Variants in ABHD5 observed in about 807,000 individuals in gnomAD.
ABHD5 encodes the protein abhydrolase domain containing 5, lysophosphatidic acid acyltransferase.
In ABHD5, 30 loss-of-function variants were observed where a neutral mutation model predicts 44.9. The ratio of observed to expected loss-of-function variants is 0.67; its 90% CI spans 0.50 to 0.91. The LOEUF (loss-of-function observed/expected upper bound fraction) is 0.91, where lower values mean the gene tolerates loss of function less well. Among genes scored for constraint, ABHD5 ranks in the 40% least tolerant of loss-of-function variants. The pLI is 0.00. For synonymous variants in ABHD5, 167 were observed against 147.0 expected (o/e 1.14, Z -0.99); for missense variants, 399 against 423.4 (o/e 0.94, Z 0.50).
chr3:43,727,270 A>C (rs1400423381), downstream of ABHD5, among the ~76,000 whole-genome samples: 1 of 152,108 alleles, frequency 6.6e-6, no homozygotes, highest in Non-Finnish European at 1.5e-5. Flanking sequence ...GCTTGTGTTC[A>C]TTCTCTAGTG....
In ABHD5 at chr3:43,720,632, T is replaced by C. The variant is rs1310619725; in HGVS notation, c.*2100T>C. 1 of 152,224 alleles carries C rather than the reference T, an allele frequency of 6.6e-6. No homozygotes were observed. Among genetic ancestry groups the C allele is most frequent in the Non-Finnish European group, 1.5e-5 (1 of 68,022 alleles). 9.4% of individuals were successfully genotyped at this position (152,224 alleles called of 1,614,324 possible). ...GTTTTCTTAAAAATCTAGTACAGCA[T>C]TTGATCTTTGTTATGCACAGCATAC... On this transcript the variant is annotated 3_prime_UTR_variant, in exon 7 of 7. Transcript: ENST00000644371.
At chr3:43,731,725 A>C (rs916014274) in intron 7 of ABHD5, among the ~76,000 whole-genome samples, 1 of 152,180 alleles carries the variant, frequency 6.6e-6, no homozygotes, top group African/African-American at 2.4e-5. Context: ...CCAACTACTC[A>C]GGAGGCTGAG....
Position 43,718,585 on chromosome 3 carries a change from A to C in ABHD5, c.*53A>C. Reference sequence around the variant, plus strand: ...TGGTGACTGATATAGTTGTTCAGCAATAATTCATAGTCTGTGATGAAGAGT... The same window carrying C: ...TGGTGACTGATATAGTTGTTCAGCACTAATTCATAGTCTGTGATGAAGAGT... On this transcript the variant is annotated 3_prime_UTR_variant, in exon 7 of 7. Transcript: ENST00000644371. 6.5e-7 allele frequency: 1 copy of C among 1,529,026 alleles called. No individual in the cohort carries two copies. Among genetic ancestry groups the C allele is most frequent in the Non-Finnish European group, 9.1e-7 (1 of 1,102,618 alleles). The allele number at this position is 1,529,026 out of a possible 1,614,324, so 94.7% of individuals were successfully genotyped here. A position where few individuals can be genotyped will look rare whatever the true frequency, so the allele number is the denominator to read the frequency against.
rs2084783514 is a variant in ABHD5, at chr3:43,717,672, G to A, written c.775G>A (p.Gly259Ser). Residue 259 changes from glycine to serine, a missense_variant and splice_region_variant, in exon 6 of 7, where the codon GGT becomes AGT. Transcript: ENST00000644371. ...IYHCNVQTPS[G>S]ETAFKNMTIP... ...GTGATTTTCTCCTTGCCGTTAAAGT[G>A]GTGAGACAGCTTTCAAGAATATGAC... The A allele has an allele frequency of 6.2e-7, 1 of 1,614,136 alleles. No individual in the cohort carries two copies. The highest frequency in any genetic ancestry group is 8.5e-7 in the Non-Finnish European group (1 of 1,179,998).
chr3:43,732,614 T>A (rs1697258569), intron 7 of ABHD5, among the ~76,000 whole-genome samples: 1 of 152,238 alleles, frequency 6.6e-6, no homozygotes, highest in Non-Finnish European at 1.5e-5. Flanking sequence ...TTAGAACTAA[T>A]TGTATTTTTA....
intron 5 of ABHD5, among the ~76,000 whole-genome samples, chr3:43,716,743 A>G (rs1403781207): frequency 6.6e-6 from 1 of 152,154 alleles, no homozygotes; most frequent in Admixed American, 6.5e-5. Flanking sequence ...ATTTTCCTGC[A>G]TGGCGTAAGT....
At chr3:43,703,547 A>C (rs1457729068) in intron 3 of ABHD5, among the ~76,000 whole-genome samples, 2 of 152,192 alleles carry the variant, frequency 1.3e-5, no homozygotes, top group African/African-American at 4.8e-5. Context: ...GTCACATTTA[A>C]GTGCTAAGAA....
chr3:43,725,145 C>T (rs1157328281), downstream of ABHD5, among the ~76,000 whole-genome samples: 1 of 152,142 alleles, frequency 6.6e-6, no homozygotes, highest in Non-Finnish European at 1.5e-5. Context: ...TCTGTCTCTT[C>T]TCCCTAACTA....
chr3:43,716,037 A>G (rs1481786048), intron 5 of ABHD5, among the ~76,000 whole-genome samples: 5 of 152,212 alleles, frequency 3.3e-5, no homozygotes, highest in Non-Finnish European at 7.3e-5. Context: ...AGAATGGGGC[A>G]TAGTAGCAGA....
chr3:43,700,334 G>A (rs1254133860), intron 2 of ABHD5, among the ~76,000 whole-genome samples: 2 of 152,082 alleles, frequency 1.3e-5, no homozygotes, highest in Non-Finnish European at 2.9e-5. Context: ...ATCTGTGGGT[G>A]TAGTTCTAAG....
At chr3:43,725,456 AC>A (rs1464011983), downstream of ABHD5, among the ~76,000 whole-genome samples, 4 of 152,234 alleles carry the variant, frequency 2.6e-5, no homozygotes, top group Admixed American at 6.5e-5. Context: ...AAACAGTCTT[AC>A]CAAGTAGTTT....
At chr3:43,703,940 A>G (rs2084580649) in intron 3 of ABHD5, among the ~76,000 whole-genome samples, 1 of 152,034 alleles carries the variant, frequency 6.6e-6, no homozygotes, top group African/African-American at 2.4e-5. Flanking sequence ...GTGCTAGACA[A>G]TAATAGTCCT....
chr3:43,696,366 G>C (rs2084474167), intron 1 of ABHD5, among the ~76,000 whole-genome samples: 1 of 152,160 alleles, frequency 6.6e-6, no homozygotes, highest in African/African-American at 2.4e-5. Flanking sequence ...TTTTTGCCTT[G>C]AATTTTGTGA....
intron 3 of ABHD5, among the ~76,000 whole-genome samples, chr3:43,703,050 A>G (rs2084565209): frequency 6.6e-6 from 1 of 152,220 alleles, no homozygotes; most frequent in African/African-American, 2.4e-5. Flanking sequence ...TACCTAAACT[A>G]TAGAAAATAC....
intron 6 of ABHD5, 27 bp from the exon 7 acceptor site, chr3:43,718,416 A>C: frequency 6.3e-7 from 1 of 1,588,628 alleles, no homozygotes; most frequent in Non-Finnish European, 8.6e-7. Flanking sequence ...TTACTCACTA[A>C]CTGTCTGAAT....
intron 3 of ABHD5, among the ~76,000 whole-genome samples, chr3:43,710,937 A>G (rs1339863108): frequency 6.6e-6 from 1 of 152,260 alleles, no homozygotes; most frequent in African/African-American, 2.4e-5. Flanking sequence ...AAGAAGTTTC[A>G]TAAGATGGAA....
intron 1 of ABHD5, among the ~76,000 whole-genome samples, chr3:43,694,068 G>GAGGCCGAGGCGGGCGGATCATGA (rs879539302): frequency 1.6e-4 from 24 of 149,794 alleles, no homozygotes; most frequent in South Asian, 6.6e-4. Context: ...AGCACTTTGG[G>GAGGCCGAGGCGGGCGGATCATGA]GTAACACCGT....
chr3:43,725,601 T>TA (rs2149610989), downstream of ABHD5, among the ~76,000 whole-genome samples: 1 of 152,342 alleles, frequency 6.6e-6, no homozygotes, highest in South Asian at 2.1e-4. Context: ...AACCCCATCC[T>TA]ACTTTTTAAA....
At position 43,720,010 on chromosome 3, in the gene ABHD5, C is replaced by G. The variant is rs1042576887; in HGVS notation, c.*1478C>G. The G allele has an allele frequency of 3.9e-5, 6 of 152,146 alleles. No individual in the cohort carries two copies. Among genetic ancestry groups the G allele is most frequent in the African/African-American group, 1.2e-4 (5 of 41,440 alleles). The allele number at this position is 152,146 out of a possible 1,614,324, so 9.4% of individuals were successfully genotyped here. On this transcript the variant is annotated 3_prime_UTR_variant, in exon 7 of 7. Transcript: ENST00000644371. ...TGAATGTTCTATTTTCAACATTTCT[C>G]CCCTATAAAAGAATAGACAAATTAT...
Sources: allele counts gnomAD v4.1 joint callset (sites outside exome capture counted in the v4.1 genomes callset), GRCh38; gene constraint gnomAD v4.1.1; transcripts MANE v1.5; gene names NCBI Gene and HGNC (gene_info 2026-07-23, HGNC 2026-07-21).